The following JAZF1 variants were observed in gnomAD, a reference collection of about 807,000 sequenced individuals.
JAZF1 encodes juxtaposed with another zinc finger protein 1.
Under a neutral mutation model 26.4 loss-of-function variants are expected in JAZF1, and 8 were observed. The observed-to-expected ratio is 0.30, with a 90% CI of 0.18 to 0.55. The LOEUF (loss-of-function observed/expected upper bound fraction) is 0.55. JAZF1 is among the 20% of genes least tolerant of loss of function. JAZF1 has a pLI of 0.94. For missense variants in JAZF1, 199 were observed against 322.0 expected (o/e 0.62, Z 2.92); for synonymous variants, 126 against 122.3 (o/e 1.03, Z -0.20).
At chr7:27,915,781 G>A (rs1159085437) in intron 2 of JAZF1, among the ~76,000 whole-genome samples, 1 of 152,072 alleles carries the variant, frequency 6.6e-6, no homozygotes, top group Non-Finnish European at 1.5e-5. Context: ...TAAATATATT[G>A]ACTTTATTAT....
chr7:28,139,148 G>C (rs1056535096), intron 1 of JAZF1, among the ~76,000 whole-genome samples: 1 of 152,156 alleles, frequency 6.6e-6, no homozygotes, highest in Non-Finnish European at 1.5e-5. Flanking sequence ...CACTGATTTT[G>C]TATCCTCCTG....
intron 1 of JAZF1, among the ~76,000 whole-genome samples, chr7:27,998,628 A>G (rs970024093): frequency 6.6e-6 from 1 of 152,234 alleles, no homozygotes; most frequent in African/African-American, 2.4e-5. Context: ...CCCAAATTCA[A>G]TGTGAAATCC....
chr7:28,083,411 G>A (rs907212581), intron 1 of JAZF1, among the ~76,000 whole-genome samples: 18 of 152,098 alleles, frequency 1.2e-4, no homozygotes, highest in African/African-American at 4.1e-4. Context: ...TTATTGATAC[G>A]TAATGGGAGT....
chr7:28,176,679 C>G (rs1453740192), intron 1 of JAZF1, among the ~76,000 whole-genome samples: 1 of 152,102 alleles, frequency 6.6e-6, no homozygotes, highest in Non-Finnish European at 1.5e-5. Context: ...CATAACTTTG[C>G]CTGGCATAAA....
intron 1 of JAZF1, among the ~76,000 whole-genome samples, chr7:28,166,129 A>T (rs56398224): frequency 0.069 from 10,426 of 152,024 alleles, 529 homozygotes; most frequent in African/African-American, 0.15. Flanking sequence ...TATATATATA[A>T]AAAAAGTTGG....
chr7:27,857,152 C>T (rs1220158949), intron 3 of JAZF1, among the ~76,000 whole-genome samples: 11 of 152,262 alleles, frequency 7.2e-5, no homozygotes, highest in South Asian at 2.1e-4. Flanking sequence ...CCCATGGGGG[C>T]GGGGGGAGGC....
chr7:27,875,157 C>T (rs1248403813), intron 3 of JAZF1, among the ~76,000 whole-genome samples: 2 of 152,162 alleles, frequency 1.3e-5, no homozygotes, highest in Non-Finnish European at 2.9e-5. Flanking sequence ...CCCATCCGTG[C>T]AAGAAATGGC....
At chr7:28,160,546 C>A (rs1187994263) in intron 1 of JAZF1, among the ~76,000 whole-genome samples, 1 of 152,106 alleles carries the variant, frequency 6.6e-6, no homozygotes, top group East Asian at 1.9e-4. Context: ...CCTTCTGCTG[C>A]AAACTCTAAG....
intron 1 of JAZF1, among the ~76,000 whole-genome samples, chr7:28,120,460 T>C (rs113016590): frequency 6.5e-4 from 96 of 146,726 alleles, no homozygotes; most frequent in African/African-American, 2.4e-3. Context: ...TCCCTAGGGG[T>C]AGAGGAAGGA....
At chr7:27,847,473 G>C (rs1214194006) in intron 3 of JAZF1, among the ~76,000 whole-genome samples, 1 of 152,072 alleles carries the variant, frequency 6.6e-6, no homozygotes, top group African/African-American at 2.4e-5. Context: ...TATAAGATAA[G>C]GGACCAATTT....
At chr7:27,969,366 C>T (rs143173455) in intron 2 of JAZF1, among the ~76,000 whole-genome samples, 434 of 152,192 alleles carry the variant, frequency 2.9e-3, no homozygotes, top group African/African-American at 0.01. Flanking sequence ...GTAAATTACA[C>T]AGGGCCATGT....
intron 1 of JAZF1, among the ~76,000 whole-genome samples, chr7:27,997,168 C>A (rs1786033767): frequency 6.6e-6 from 1 of 152,116 alleles, no homozygotes; most frequent in Non-Finnish European, 1.5e-5. Context: ...GAAGACCCTG[C>A]AGAAACCCTG....
rs116846501 is a variant in JAZF1 at position 28,042,241 on chromosome 7, C to G, written c.116-50260G>C. On this transcript the variant is annotated intron_variant, in intron 1 of 4. Transcript: ENST00000283928. ...GTGTGATGTGTGGAACAAGTAGCCC[C>G]ATCTGATTACCGTGCAGGGTGTGGG... 5.2e-3 allele frequency among the ~76,000 whole-genome samples: 792 copies of G among 152,298 alleles called. 4 individuals are homozygous for G. The highest frequency in any genetic ancestry group is 0.014 in the Middle Eastern group (4 of 294).
intron 3 of JAZF1, among the ~76,000 whole-genome samples, chr7:27,885,588 A>G (rs190436008): frequency 4.6e-5 from 7 of 152,124 alleles, no homozygotes; most frequent in Admixed American, 3.9e-4. Flanking sequence ...GCTTGCAAAT[A>G]TTTTCACCTA....
At chr7:28,070,460 C>T (rs930249499) in intron 1 of JAZF1, among the ~76,000 whole-genome samples, 1 of 152,204 alleles carries the variant, frequency 6.6e-6, no homozygotes, top group Admixed American at 6.5e-5. Context: ...TGAGCTTTGG[C>T]TAAGCACATG....
chr7:27,845,982 G>A (rs1374408761), intron 3 of JAZF1, among the ~76,000 whole-genome samples: 2 of 151,946 alleles, frequency 1.3e-5, no homozygotes, highest in South Asian at 2.1e-4. Context: ...GAAAAAACCC[G>A]TTATGTGCCA....
chr7:27,896,578 A>G (rs1299283862), intron 2 of JAZF1, among the ~76,000 whole-genome samples: 1 of 152,220 alleles, frequency 6.6e-6, no homozygotes, highest in Non-Finnish European at 1.5e-5. Context: ...GCACTTAAAC[A>G]TGGTATTTCA....
chr7:27,943,864 C>G (rs779687606), intron 2 of JAZF1, among the ~76,000 whole-genome samples: 8 of 152,192 alleles, frequency 5.3e-5, no homozygotes, highest in Non-Finnish European at 7.3e-5. Context: ...TGCTTCTCAT[C>G]ACCTTATTCT....
At chr7:28,054,846 G>A (rs143133983) in intron 1 of JAZF1, among the ~76,000 whole-genome samples, 4 of 152,084 alleles carry the variant, frequency 2.6e-5, no homozygotes, top group South Asian at 2.1e-4. Flanking sequence ...CTGAAAAGAC[G>A]GCTGGCGCTA....
Sources: gnomAD v4.1 joint callset for allele counts (sites outside exome capture counted in the v4.1 genomes callset) on GRCh38, gnomAD v4.1.1 for gene constraint, MANE v1.5 for transcripts, NCBI Gene and HGNC (gene_info 2026-07-23, HGNC 2026-07-21) for gene names.